The following C6orf89 variants were observed in gnomAD, a reference collection of about 807,000 sequenced individuals.
C6orf89 encodes chromosome 6 open reading frame 89, also known as bombesin receptor-activated protein C6orf89.
Under a neutral mutation model 40.7 loss-of-function variants are expected in C6orf89, and 29 were observed. The ratio of observed to expected loss-of-function variants is 0.71; its 90% CI spans 0.53 to 0.97. C6orf89 has a LOEUF of 0.97. C6orf89 is among the 50% of genes least tolerant of loss of function. The pLI, the probability that C6orf89 is intolerant of heterozygous loss-of-function variation, is 0.00. For synonymous variants in C6orf89, 165 were observed against 152.2 expected (o/e 1.08, Z -0.62); for missense variants, 392 against 429.1 (o/e 0.91, Z 0.76).
At chr6:36,891,554 C>T (rs1287031439) in intron 1 of C6orf89, among the ~76,000 whole-genome samples, 1 of 152,156 alleles carries the variant, frequency 6.6e-6, no homozygotes, top group Non-Finnish European at 1.5e-5. Context: ...GTTCTAGATC[C>T]TTGAGGAATC....
chr6:36,896,128 G>A (rs1761420703), intron 2 of C6orf89, among the ~76,000 whole-genome samples: 1 of 152,080 alleles, frequency 6.6e-6, no homozygotes, highest in Admixed American at 6.6e-5. Context: ...CTTTTTTTGA[G>A]ATGGAGTCTC....
rs182648020 is a variant in C6orf89, at chr6:36,924,167, G to A, written c.*726G>A. 227 of 155,210 alleles carry A rather than the reference G, an allele frequency of 1.5e-3. 1 individual carries two copies. Among genetic ancestry groups the A allele is most frequent in the African/African-American group, 5.1e-3 (214 of 41,560 alleles). 9.6% of individuals were successfully genotyped at this position (155,210 alleles called of 1,614,324 possible). A position where few individuals can be genotyped will look rare whatever the true frequency, so the allele number is the denominator to read the frequency against. On this transcript the variant is annotated 3_prime_UTR_variant, in exon 9 of 9. Coordinates refer to ENST00000480824, the MANE Select transcript of C6orf89 (RefSeq NM_001286635.2). ...CCTCCCCTTCTCCCTTGCCTATCTG[G>A]ATGGCTTCTCAGAAGCTCGGCCCTA... is the stretch of plus-strand genomic sequence containing the variant.
chr6:36,889,647 A>G (rs1213891853), intron 1 of C6orf89, among the ~76,000 whole-genome samples: 3 of 152,138 alleles, frequency 2.0e-5, no homozygotes, highest in Non-Finnish European at 4.4e-5. Flanking sequence ...AAAGAGAGGC[A>G]TGGCAGCCAA....
Position 36,899,602 on chromosome 6 carries a change from C to A in C6orf89, c.158C>A (p.Pro53Gln). ...LEKNEPQRPP[P>Q]QYPLLIVVYK... The stretch of plus-strand genomic sequence containing the variant: ...AAGAATGAACCTCAGAGACCCCCCC[C>A]GCAGTATCCTCTCCTTATAGTTGTG... Residue 53 changes from proline (P) to glutamine (Q), a missense_variant, in exon 3 of 9, where the codon CCG (proline) becomes CAG (glutamine). By Grantham distance (76) the Pro-to-Gln change is moderately conservative (BLOSUM62 -1). Coordinates refer to ENST00000480824, the MANE Select transcript of C6orf89 (RefSeq NM_001286635.2). 7 of 1,614,162 alleles carry A rather than the reference C, an allele frequency of 4.3e-6. No individual in the cohort carries two copies. The South Asian group carries it at 4.4e-5, about 10-fold the overall frequency.
At chr6:36,886,972 C>A (rs1014973349) in intron 1 of C6orf89, among the ~76,000 whole-genome samples, 33 of 152,192 alleles carry the variant, frequency 2.2e-4, no homozygotes, top group African/African-American at 8.0e-4. Context: ...ACCTTTTCTG[C>A]CTTGGACTGA....
chr6:36,890,291 T>C (rs2150679771), intron 1 of C6orf89, among the ~76,000 whole-genome samples: 1 of 152,346 alleles, frequency 6.6e-6, no homozygotes, highest in South Asian at 2.1e-4. Flanking sequence ...CTTTGCCCAG[T>C]ACCTCCCTGT....
At chr6:36,910,545 T>C (rs1220689615) in intron 4 of C6orf89, among the ~76,000 whole-genome samples, 1 of 152,026 alleles carries the variant, frequency 6.6e-6, no homozygotes, top group Non-Finnish European at 1.5e-5. Flanking sequence ...CTGAGCAACA[T>C]GATGAAACCC....
rs1762665863 is a variant in C6orf89 at position 36,926,091 on chromosome 6, G to A, written c.*2650G>A. 1 of 152,278 alleles carries A rather than the reference G, an allele frequency of 6.6e-6. No homozygotes were observed. Among genetic ancestry groups the A allele is most frequent in the Non-Finnish European group, 1.5e-5 (1 of 68,066 alleles). The allele number at this position is 152,278 out of a possible 1,614,324, so 9.4% of individuals were successfully genotyped here. ...AGAAGTCAGCTCTCTGAGGAGACAG[G>A]CTACTTTGGCCCCAGTTTGAAGCAT... On this transcript the variant is annotated 3_prime_UTR_variant, in exon 9 of 9. Coordinates refer to ENST00000480824, the MANE Select transcript of C6orf89 (RefSeq NM_001286635.2).
At chr6:36,923,149 A>G (rs1370335641) in intron 8 of C6orf89, among the ~76,000 whole-genome samples, 198 bp from the exon 9 acceptor site, 2 of 152,162 alleles carry the variant, frequency 1.3e-5, no homozygotes, top group African/African-American at 4.8e-5. Context: ...TGGGCAATAT[A>G]GTGAGACCCC....
chr6:36,874,670 G>C, intron 1 of C6orf89: 1 of 1,603,304 alleles, frequency 6.2e-7, no homozygotes, highest in Non-Finnish European at 8.5e-7. Flanking sequence ...GGTGAGGCCC[G>C]GGCTCCGCGT....
Position 36,914,640 on chromosome 6 carries a change from C to T in C6orf89, c.642C>T (p.Phe214=), listed in dbSNP as rs757039166. The stretch of plus-strand genomic sequence containing the variant: ...CAGAAGGCTTCTCTGAAGGGTTTTT[C>T]GCCAAGTGGTGGCGCTGCTTTCCTG... ...EATEGFSEGF[F]AKWWRCFPER... Residue 214 remains phenylalanine, a synonymous_variant, in exon 6 of 9, where the codon TTC becomes TTT. Transcript: ENST00000480824. 13 of 1,614,198 alleles carry T rather than the reference C, an allele frequency of 8.1e-6. No homozygotes were observed. The highest frequency in any genetic ancestry group is 2.7e-5 in the African/African-American group (2 of 75,064).
rs1052702800 is a variant in C6orf89, at chr6:36,924,980, C to G, written c.*1539C>G. On this transcript the variant is annotated 3_prime_UTR_variant, in exon 9 of 9. Transcript: ENST00000480824. ...TGTCTATGGGCTTGCAAAGGACAAG[C>G]AGAGTTCACAGAGCTCAGGATAGAA... is the stretch of plus-strand genomic sequence containing the variant. 2 of 152,148 alleles carry G rather than the reference C, an allele frequency of 1.3e-5. No individual in the cohort carries two copies. Among genetic ancestry groups the G allele is most frequent in the African/African-American group, 4.8e-5 (2 of 41,416 alleles). The allele number at this position is 152,148 out of a possible 1,614,324, so 9.4% of individuals were successfully genotyped here.
At chr6:36,888,634 G>A (rs1325943919) in intron 1 of C6orf89, among the ~76,000 whole-genome samples, 1 of 152,142 alleles carries the variant, frequency 6.6e-6, no homozygotes, top group Non-Finnish European at 1.5e-5. Context: ...CCCTGTCTCA[G>A]AAAATAAAAA....
intron 2 of C6orf89, among the ~76,000 whole-genome samples, chr6:36,895,852 T>A (rs1761406354): frequency 6.6e-6 from 1 of 152,226 alleles, no homozygotes; most frequent in Non-Finnish European, 1.5e-5. Flanking sequence ...TTCATTTGTC[T>A]TAGGCACATA....
At chr6:36,874,562 C>T (rs565804888) in intron 1 of C6orf89, among the ~76,000 whole-genome samples, 84 of 152,352 alleles carry the variant, frequency 5.5e-4, no homozygotes, top group East Asian at 5.8e-4. Context: ...CGATGGCGGT[C>T]CCCTCTCAAC....
chr6:36,900,760 T>A (rs1761648965), intron 3 of C6orf89, among the ~76,000 whole-genome samples: 1 of 152,026 alleles, frequency 6.6e-6, no homozygotes, highest in Non-Finnish European at 1.5e-5. Flanking sequence ...AGTCAATCAC[T>A]GTCAGACTGA....
intron 2 of C6orf89, among the ~76,000 whole-genome samples, chr6:36,894,828 C>G (rs1761362164): frequency 6.6e-6 from 1 of 152,150 alleles, no homozygotes; most frequent in African/African-American, 2.4e-5. Flanking sequence ...GAACATGAGT[C>G]TTCAGTTTCT....
At chr6:36,919,851 T>G in intron 8 of C6orf89, 150 bp downstream of exon 8, 2 of 832,514 alleles carry the variant, frequency 2.4e-6, no homozygotes, top group Non-Finnish European at 3.5e-6. Context: ...ATATTTATGC[T>G]TAGAAATGAA....
intron 8 of C6orf89, among the ~76,000 whole-genome samples, chr6:36,921,024 A>G (rs1762491189): frequency 6.6e-6 from 1 of 152,190 alleles, no homozygotes; most frequent in African/African-American, 2.4e-5. Context: ...TGAGCATCAA[A>G]TGCTGGTACA....
Sources: gnomAD v4.1 joint callset for allele counts (sites outside exome capture counted in the v4.1 genomes callset) on GRCh38, gnomAD v4.1.1 for gene constraint, MANE v1.5 for transcripts, NCBI Gene and HGNC (gene_info 2026-07-23, HGNC 2026-07-21) for gene names.